The following SLC12A6 variants were observed in gnomAD, a reference collection of about 807,000 sequenced individuals.
The protein encoded by SLC12A6 is solute carrier family 12 member 6, also known as K-Cl cotransporter 3.
In SLC12A6, 66 loss-of-function variants were observed where a neutral mutation model predicts 135.3. The ratio of observed to expected loss-of-function variants is 0.49; its 90% CI spans 0.40 to 0.60. The LOEUF is 0.60. Ranked by LOEUF, SLC12A6 falls within the 20% of genes least tolerant of loss-of-function variation. The pLI is 0.00. For synonymous variants in SLC12A6, 513 were observed against 508.8 expected (o/e 1.01, Z -0.11); for missense variants, 1,058 against 1,452.3 (o/e 0.73, Z 4.41).
chr15:34,297,410 T>C (rs1461302685), intron 2 of SLC12A6, among the ~76,000 whole-genome samples: 1 of 152,230 alleles, frequency 6.6e-6, no homozygotes, highest in South Asian at 2.1e-4. Flanking sequence ...AGACTGAATT[T>C]AGGGAAAATT....
At chr15:34,314,238 G>C (rs1459703729) in intron 2 of SLC12A6, among the ~76,000 whole-genome samples, 4 of 151,920 alleles carry the variant, frequency 2.6e-5, no homozygotes, top group Non-Finnish European at 5.9e-5. Flanking sequence ...GTAGAGACGG[G>C]GTTTCGTTAT....
Position 34,231,648 on chromosome 15 carries a change from G to A in SLC12A6, c.*2233C>T, listed in dbSNP as rs1481792873. 6.7e-6 allele frequency: 1 copy of A among 148,892 alleles called. No homozygotes were observed. Among genetic ancestry groups the A allele is most frequent in the Non-Finnish European group, 1.5e-5 (1 of 67,474 alleles). 9.2% of individuals were successfully genotyped at this position (148,892 alleles called of 1,614,324 possible). On this transcript the variant is annotated 3_prime_UTR_variant, in exon 26 of 26. Transcript: ENST00000354181. ...TCTGTCGCCCAGGCTGGAGTGCAGT[G>A]GTGCAATCTCGGTTCACTGCAAGTT...
Position 34,332,979 on chromosome 15 carries a change from A to C in SLC12A6, c.271+3431T>G, listed in dbSNP as rs111985735. On this transcript the variant is annotated intron_variant, in intron 2 of 25. Coordinates refer to ENST00000354181, the MANE Select transcript of SLC12A6 (RefSeq NM_001365088.1). ...TTGGCTTTGCCACTTTGTGATCTAC[A>C]AATAACCATCTCTATAAGCCTTAGT... Among the ~76,000 whole-genome samples the C allele has an allele frequency of 2.7e-3, 410 of 152,238 alleles. 4 individuals carry two copies. Among genetic ancestry groups the C allele is most frequent in the Admixed American group, 7.9e-3 (121 of 15,306 alleles).
intron 19 of SLC12A6, among the ~76,000 whole-genome samples, chr15:34,239,381 T>C (rs528481620): frequency 1.2e-4 from 18 of 152,344 alleles, no homozygotes; most frequent in South Asian, 4.1e-4. Flanking sequence ...GTTGTCTACA[T>C]GTAGTTTCTC....
At chr15:34,248,206 C>T (rs1358264036) in intron 13 of SLC12A6, among the ~76,000 whole-genome samples, 1 of 152,028 alleles carries the variant, frequency 6.6e-6, no homozygotes, top group Admixed American at 6.6e-5. Context: ...TAGCGATGGA[C>T]ATTTGGATTA....
chr15:34,283,543 T>C (rs1339188008), intron 2 of SLC12A6, among the ~76,000 whole-genome samples: 1 of 151,866 alleles, frequency 6.6e-6, no homozygotes, highest in Non-Finnish European at 1.5e-5. Context: ...AAAGACTGAT[T>C]AGGACAGAGG....
Position 34,243,985 on chromosome 15 carries a change from G to C in SLC12A6, c.2031C>G (p.Arg677=). 6.3e-7 allele frequency: 1 copy of C among 1,578,194 alleles called. No homozygotes were observed. Among genetic ancestry groups the C allele is most frequent in the Non-Finnish European group, 8.7e-7 (1 of 1,147,202 alleles). ...LRTPNWRPRF[R]YYHWALSFMG... ...AGAAGCAGACTTACCAATGGTAGTA[G>C]CGGAATCGGGGTCTCCAGTTGGGTG... is the stretch of plus-strand genomic sequence containing the variant. The change falls in exon 16 of 26, where the codon CGC becomes CGG. Residue 677 remains arginine, a synonymous_variant. Coordinates refer to ENST00000354181, the MANE Select transcript of SLC12A6 (RefSeq NM_001365088.1).
At chr15:34,330,100 G>A (rs145688576) in intron 2 of SLC12A6, among the ~76,000 whole-genome samples, 78 of 151,988 alleles carry the variant, frequency 5.1e-4, no homozygotes, top group African/African-American at 1.8e-3. Flanking sequence ...TCCCCCACTC[G>A]TCTCAAAAGT....
At chr15:34,294,883 T>C (rs1161876076) in intron 2 of SLC12A6, among the ~76,000 whole-genome samples, 4 of 152,214 alleles carry the variant, frequency 2.6e-5, no homozygotes, top group African/African-American at 9.6e-5. Context: ...ACCTGCTAAA[T>C]AATCCACGTT....
chr15:34,256,247 T>A lies in SLC12A6; in HGVS notation c.727A>T (p.Thr243Ser), dbSNP rs1410645913. The A allele has an allele frequency of 5.6e-6, 9 of 1,605,976 alleles. No homozygotes were observed. The highest frequency in any genetic ancestry group is 7.7e-6 in the Non-Finnish European group (9 of 1,172,666). The change falls in exon 7 of 26, where the codon ACT becomes TCT. Residue 243 changes from threonine to serine, a missense_variant. Transcript: ENST00000354181. ...TACTAACCTGGCACCACTCCATTAG[T>A]GGCAATGGCACTCATGGAGATAGCA... ...LTAISMSAIA[T>S]NGVVPAGGSY...
intron 2 of SLC12A6, among the ~76,000 whole-genome samples, chr15:34,289,120 T>C (rs1015049246): frequency 6.6e-6 from 1 of 152,294 alleles, no homozygotes; most frequent in African/African-American, 2.4e-5. Flanking sequence ...TGGCTGTGGG[T>C]TTGACATGAA....
chr15:34,245,950 T>G, intron 13 of SLC12A6, 83 bp from the exon 14 acceptor site: 1 of 1,062,150 alleles, frequency 9.4e-7, no homozygotes. Context: ...AATTTTTTTT[T>G]GAGACAGAAT....
intron 2 of SLC12A6, among the ~76,000 whole-genome samples, chr15:34,308,111 AAT>A (rs1887861093): frequency 1.3e-5 from 2 of 152,196 alleles, no homozygotes; most frequent in South Asian, 4.1e-4. Context: ...ATATATTAAA[AAT>A]ATCTTACCTA....
chr15:34,280,162 T>C (rs749287807), intron 2 of SLC12A6, among the ~76,000 whole-genome samples: 3 of 152,254 alleles, frequency 2.0e-5, no homozygotes, highest in Non-Finnish European at 4.4e-5. Flanking sequence ...AGAATCACTT[T>C]GTTTACCATC....
chr15:34,294,960 A>G (rs1245091949), intron 2 of SLC12A6, among the ~76,000 whole-genome samples: 1 of 152,240 alleles, frequency 6.6e-6, no homozygotes, highest in Non-Finnish European at 1.5e-5. Flanking sequence ...ATTTGGTTAA[A>G]TTATGGATTT....
At chr15:34,317,433 G>C (rs976767864) in intron 2 of SLC12A6, among the ~76,000 whole-genome samples, 1 of 152,208 alleles carries the variant, frequency 6.6e-6, no homozygotes, top group African/African-American at 2.4e-5. Context: ...GCCGGACGCA[G>C]TGGCTCACAC....
chr15:34,334,919 G>A (rs750851366), intron 2 of SLC12A6, among the ~76,000 whole-genome samples: 15 of 152,136 alleles, frequency 9.9e-5, no homozygotes, highest in Non-Finnish European at 1.8e-4. Context: ...ACATTACTAA[G>A]TCCACTTTTC....
At chr15:34,275,535 T>G in intron 2 of SLC12A6, 146 bp from the exon 3 acceptor site, 1 of 629,660 alleles carries the variant, frequency 1.6e-6, no homozygotes, top group Non-Finnish European at 2.8e-6. Flanking sequence ...TAATAAAAAA[T>G]AGAATGAACT....
At chr15:34,315,696 C>T (rs1330537528) in intron 2 of SLC12A6, among the ~76,000 whole-genome samples, 2 of 152,120 alleles carry the variant, frequency 1.3e-5, no homozygotes, top group Non-Finnish European at 2.9e-5. Context: ...GTCAAAAATT[C>T]ATGTGACGGC....
Sources: allele counts gnomAD v4.1 joint callset (sites outside exome capture counted in the v4.1 genomes callset), GRCh38; gene constraint gnomAD v4.1.1; transcripts MANE v1.5; gene names NCBI Gene and HGNC (gene_info 2026-07-23, HGNC 2026-07-21).